The following TRAPPC8 variants were observed in gnomAD, a reference collection of about 807,000 sequenced individuals.
TRAPPC8 encodes general sporulation gene 1 homolog.
Under a neutral mutation model 174.3 loss-of-function variants are expected in TRAPPC8, and 54 were observed. That is an observed-to-expected ratio of 0.31 (90% CI 0.25 to 0.39). TRAPPC8 has a LOEUF of 0.39. Among genes scored for constraint, TRAPPC8 ranks in the 10% least tolerant of loss-of-function variants. The pLI, the probability that TRAPPC8 is intolerant of heterozygous loss-of-function variation, is 1.00. For missense variants in TRAPPC8, 1,531 were observed against 1,699.1 expected (o/e 0.90, Z 1.74); for synonymous variants, 630 against 579.9 (o/e 1.09, Z -1.24).
chr18:31,857,953 A>G lies in TRAPPC8; in HGVS notation c.2775T>C (p.Leu925=), dbSNP rs2145108054. 2 of 1,612,878 alleles carry G rather than the reference A, an allele frequency of 1.2e-6. No homozygotes were observed. Among genetic ancestry groups the G allele is most frequent in the Non-Finnish European group, 1.7e-6 (2 of 1,179,416 alleles). Residue 925 remains leucine, a synonymous_variant, in exon 20 of 29, where the codon CTT becomes CTC. Coordinates refer to ENST00000283351, the MANE Select transcript of TRAPPC8 (RefSeq NM_014939.5). ...EVFFIHFPTG[L]LCGEIRKAYV... ...ATGCTTTTCGGATTTCTCCACAGAG[A>G]AGCCCTGTAGGAAAATGTATAAAGA...
chr18:31,849,592 C>G lies in TRAPPC8; in HGVS notation c.3709G>C (p.Asp1237His). Residue 1237 changes from aspartate (D) to histidine (H), a missense_variant, in exon 25 of 29, where the codon GAT (aspartate) becomes CAT (histidine). By Grantham distance (81) the Asp-to-His change is moderately conservative. Transcript: ENST00000283351. ...VRLIQKCSEV[D>H]LNIVILWKAY... is the part of the protein sequence containing the mutation. ...TTCCATAATATGACAATATTCAAAT[C>G]TACCTCACTGCATTTTTGAATCAAT... 1 of 1,609,942 alleles carries G rather than the reference C, an allele frequency of 6.2e-7. No homozygotes were observed. Among genetic ancestry groups the G allele is most frequent in the African/African-American group, 1.3e-5 (1 of 74,860 alleles).
At chr18:31,858,637 A>AT (rs1041960067) in intron 19 of TRAPPC8, among the ~76,000 whole-genome samples, 38 of 152,228 alleles carry the variant, frequency 2.5e-4, no homozygotes, top group African/African-American at 9.2e-4. Context: ...TGGGGTTTAC[A>AT]TAACTTCACA....
intron 25 of TRAPPC8, among the ~76,000 whole-genome samples, chr18:31,849,163 T>C (rs2033570142): frequency 6.6e-6 from 1 of 151,882 alleles, no homozygotes; most frequent in Non-Finnish European, 1.5e-5. Flanking sequence ...AAATTAACAA[T>C]AAAAGAGAAG....
chr18:31,852,612 C>A lies in TRAPPC8; in HGVS notation c.3485G>T (p.Arg1162Ile), dbSNP rs1224380337. The part of the protein sequence containing the change: ...EKGKFCFKAI[R>I]CEKEEAATQS... ...GAATTTACCTTCTTCTTTCTCACAT[C>A]TTATTGCCTTAAAGCAAAACTTTCC... Residue 1162 changes from arginine to isoleucine, a missense_variant, in exon 23 of 29, where the codon AGA (arginine) becomes ATA (isoleucine). Arg to Ile is a moderately conservative substitution (Grantham distance 97). Transcript: ENST00000283351. The A allele has an allele frequency of 1.2e-6, 2 of 1,613,912 alleles. No homozygotes were observed. The highest frequency in any genetic ancestry group is 2.7e-5 in the African/African-American group (2 of 74,928).
At chr18:31,863,974 TAAA>T in intron 19 of TRAPPC8, among the ~76,000 whole-genome samples, 1 of 147,448 alleles carries the variant, frequency 6.8e-6, no homozygotes, top group Non-Finnish European at 1.5e-5. Context: ...AGTATAATAC[TAAA>T]GTATTATAGA....
chr18:31,835,975 A>AACAGCACACAGACC (rs2032691704), intron 27 of TRAPPC8, among the ~76,000 whole-genome samples: 1 of 152,204 alleles, frequency 6.6e-6, no homozygotes. Flanking sequence ...GCCAAATCCA[A>AACAGCACACAGACC]ACAGCACACA....
intron 25 of TRAPPC8, among the ~76,000 whole-genome samples, chr18:31,847,545 C>A (rs1483381430): frequency 1.3e-5 from 2 of 152,146 alleles, no homozygotes; most frequent in East Asian, 3.8e-4. Context: ...ATCAAAGTTT[C>A]TTCTTGTTTA....
intron 12 of TRAPPC8, among the ~76,000 whole-genome samples, chr18:31,881,028 A>C (rs2035425196): frequency 1.3e-5 from 2 of 152,268 alleles, no homozygotes; most frequent in East Asian, 3.9e-4. Flanking sequence ...CCACGCTCAC[A>C]GATAAGGAAA....
intron 2 of TRAPPC8, among the ~76,000 whole-genome samples, chr18:31,921,746 G>A (rs1007379540): frequency 3.3e-4 from 50 of 152,006 alleles, no homozygotes; most frequent in African/African-American, 1.2e-3. Context: ...TCTGGAAAAC[G>A]GAATGTGATT....
rs759255551 is a variant in TRAPPC8 at position 31,897,799 on chromosome 18, C to A, written c.1583G>T (p.Arg528Leu). ...KYSEAAALLI[R>L]LTSEDSDLRS... ...CAGTTTCAGTACCTCACTGGTCAAC[C>A]GTATTAGGAGAGCTGCAGCCTCTGA... The change falls in exon 11 of 29, where the codon CGG becomes CTG. Residue 528 changes from arginine (R) to leucine (L), a missense_variant. Physicochemically the swap from Arg to Leu is moderately radical, Grantham distance 102. Coordinates refer to ENST00000283351, the MANE Select transcript of TRAPPC8 (RefSeq NM_014939.5). 6.2e-7 allele frequency: 1 copy of A among 1,600,910 alleles called. No homozygotes were observed. The highest frequency in any genetic ancestry group is 1.7e-5 in the Admixed American group (1 of 58,784).
chr18:31,861,912 G>A (rs1166761795), intron 19 of TRAPPC8, among the ~76,000 whole-genome samples: 8 of 109,054 alleles, frequency 7.3e-5, no homozygotes, highest in Admixed American at 2.6e-4. Flanking sequence ...GTGACAGAGC[G>A]ATCCCGTCTC....
intron 2 of TRAPPC8, among the ~76,000 whole-genome samples, chr18:31,929,018 T>TA (rs1356734387): frequency 6.6e-6 from 1 of 151,586 alleles, no homozygotes; most frequent in Non-Finnish European, 1.5e-5. Flanking sequence ...CCATCACCTC[T>TA]AAAAATACAA....
chr18:31,934,638 C>T (rs912646465), intron 1 of TRAPPC8, among the ~76,000 whole-genome samples: 8 of 152,082 alleles, frequency 5.3e-5, no homozygotes, highest in African/African-American at 9.7e-5. Flanking sequence ...TAGGTCAAGG[C>T]GGGCGGATCA....
At position 31,900,914 on chromosome 18, in the gene TRAPPC8, T is replaced by C; in HGVS notation, c.1490+11A>G. 6.4e-7 allele frequency: 1 copy of C among 1,565,494 alleles called. No individual in the cohort carries two copies. The highest frequency in any genetic ancestry group is 8.6e-7 in the Non-Finnish European group (1 of 1,158,334). The stretch of plus-strand genomic sequence containing the variant: ...AACTGGATACAATATAAATCTTATA[T>C]AGTCACCTACTTGCAGATATCTCTG... On this transcript the variant is annotated intron_variant, in intron 10 of 28. Coordinates refer to ENST00000283351, the MANE Select transcript of TRAPPC8 (RefSeq NM_014939.5).
At chr18:31,889,264 C>T (rs1282901778) in intron 12 of TRAPPC8, among the ~76,000 whole-genome samples, 1 of 152,164 alleles carries the variant, frequency 6.6e-6, no homozygotes, top group African/African-American at 2.4e-5. Context: ...CAACCTACCA[C>T]AAAGGTAGCA....
At chr18:31,864,861 G>T (rs985245909) in intron 18 of TRAPPC8, 80 bp from the exon 19 acceptor site, 64 of 1,205,310 alleles carry the variant, frequency 5.3e-5, no homozygotes, top group African/African-American at 6.3e-5. Flanking sequence ...TGTGAATATT[G>T]TAAGTTTCAG....
intron 11 of TRAPPC8, among the ~76,000 whole-genome samples, chr18:31,891,691 G>A (rs928216502): frequency 5.9e-5 from 9 of 152,176 alleles, no homozygotes; most frequent in Non-Finnish European, 1.3e-4. Flanking sequence ...TTCTCAAGCT[G>A]AACTTACCAT....
rs187376688 is a variant in TRAPPC8 at position 31,907,406 on chromosome 18, C to A, written c.1389+54G>T. On this transcript the variant is annotated intron_variant, in intron 9 of 28. Transcript: ENST00000283351. The stretch of plus-strand genomic sequence containing the variant: ...TTCTGTTTGCCACCAAGAGAAATTT[C>A]TAAATAATTTATGGTAGCAGAATTA... 3,920 of 1,492,906 alleles carry A rather than the reference C, an allele frequency of 2.6e-3. 9 individuals are homozygous for A. Among genetic ancestry groups the A allele is most frequent in the Non-Finnish European group, 3.3e-3 (3,683 of 1,113,644 alleles). 92.5% of individuals were successfully genotyped at this position (1,492,906 alleles called of 1,614,324 possible). A position where few individuals can be genotyped will look rare whatever the true frequency, so the allele number is the denominator to read the frequency against.
chr18:31,935,449 G>A (rs1442852064), intron 1 of TRAPPC8, among the ~76,000 whole-genome samples: 1 of 146,930 alleles, frequency 6.8e-6, no homozygotes, highest in Non-Finnish European at 1.5e-5. Context: ...TACTCGGCAG[G>A]CTGAGGCAGA....
Sources: allele counts gnomAD v4.1 joint callset (sites outside exome capture counted in the v4.1 genomes callset), GRCh38; gene constraint gnomAD v4.1.1; transcripts MANE v1.5; gene names NCBI Gene and HGNC (gene_info 2026-07-23, HGNC 2026-07-21).